The following CADM2 variants were observed in gnomAD, a reference collection of about 807,000 sequenced individuals.
CADM2 encodes immunoglobulin superfamily member 4D.
CADM2 carries 12 observed loss-of-function variants against 49.8 expected under a neutral mutation model. That is an observed-to-expected ratio of 0.24 (90% confidence interval 0.15 to 0.39). The LOEUF (loss-of-function observed/expected upper bound fraction) is 0.39. CADM2 is among the 10% of genes least tolerant of loss of function. CADM2 has a pLI of 1.00. For missense variants in CADM2, 378 were observed against 492.3 expected (o/e 0.77, Z 2.20); for synonymous variants, 214 against 175.4 (o/e 1.22, Z -1.74).
chr3:85,298,594 C>G (rs953094122), intron 1 of CADM2, among the ~76,000 whole-genome samples: 8 of 152,044 alleles, frequency 5.3e-5, no homozygotes, highest in African/African-American at 1.9e-4. Flanking sequence ...CAAGAGAGAG[C>G]TTCTTAAAAG....
intron 1 of CADM2, among the ~76,000 whole-genome samples, chr3:85,058,103 T>C (rs1043003139): frequency 6.6e-6 from 1 of 152,218 alleles, no homozygotes; most frequent in African/African-American, 2.4e-5. Context: ...CTGCTATGTA[T>C]GTGTGCACTA....
chr3:85,413,157 AAAAAAATAATAAT>A (rs2035746409), intron 1 of CADM2, among the ~76,000 whole-genome samples: 1 of 143,982 alleles, frequency 6.9e-6, no homozygotes, highest in Non-Finnish European at 1.5e-5. Flanking sequence ...AAAAAAAAAA[AAAAAAATAATAAT>A]AATAATAATA....
intron 8 of CADM2, among the ~76,000 whole-genome samples, chr3:85,963,200 A>G (rs1308631865): frequency 6.6e-6 from 1 of 151,994 alleles, no homozygotes; most frequent in African/African-American, 2.4e-5. Context: ...AAGGCTCACA[A>G]TGAATAGGCT....
intron 8 of CADM2, among the ~76,000 whole-genome samples, chr3:86,036,518 ACTCT>A (rs1003417767): frequency 5.9e-5 from 9 of 151,452 alleles, no homozygotes; most frequent in Non-Finnish European, 1.2e-4. Context: ...CTTTTCCTAG[ACTCT>A]CTCTCTCTCC....
chr3:85,105,722 AAG>A (rs2038195727), intron 1 of CADM2, among the ~76,000 whole-genome samples: 2 of 152,216 alleles, frequency 1.3e-5, no homozygotes, highest in Non-Finnish European at 2.9e-5. Context: ...AGACTGGATT[AAG>A]AAAATATGGC....
At chr3:85,892,578 G>T (rs13079014) in intron 5 of CADM2, among the ~76,000 whole-genome samples, 48,125 of 151,978 alleles carry the variant, frequency 0.32, 8,773 homozygotes, top group East Asian at 0.42. Flanking sequence ...ACGCTCTCTT[G>T]CCTGCCACCA....
At chr3:85,834,226 T>C (rs1453157275) in intron 3 of CADM2, among the ~76,000 whole-genome samples, 1 of 151,648 alleles carries the variant, frequency 6.6e-6, no homozygotes, top group African/African-American at 2.4e-5. Context: ...ATTATTATAC[T>C]CTTATGGTAA....
chr3:86,062,516 A>C (rs1167632052), intron 8 of CADM2, among the ~76,000 whole-genome samples: 1 of 151,796 alleles, frequency 6.6e-6, no homozygotes, highest in Non-Finnish European at 1.5e-5. Flanking sequence ...AGTGGCTCAC[A>C]CCTGTAATCC....
chr3:85,912,405 C>A lies in CADM2; in HGVS notation c.562C>A (p.Arg188Ser), dbSNP rs759648918. 6.2e-7 allele frequency: 1 copy of A among 1,610,966 alleles called. No homozygotes were observed. The highest frequency in any genetic ancestry group is 1.3e-5 in the African/African-American group (1 of 74,772). The change falls in exon 6 of 10, where the codon CGC (arginine) becomes AGC (serine). Residue 188 changes from arginine (R) to serine (S), a missense_variant. Transcript: ENST00000383699. ...ATATTTAAAAGAAGAGGATGCAAAT[C>A]GCAAGACATTCACTGTCAGCAGCAC... ...VKYLKEEDAN[R>S]KTFTVSSTLD...
At chr3:85,314,692 T>G (rs1401809358) in intron 1 of CADM2, among the ~76,000 whole-genome samples, 2 of 152,188 alleles carry the variant, frequency 1.3e-5, no homozygotes, top group African/African-American at 4.8e-5. Context: ...TTGTTTTCAT[T>G]GTTTCTTACT....
At chr3:85,532,332 G>A (rs923021926) in intron 1 of CADM2, among the ~76,000 whole-genome samples, 3 of 152,256 alleles carry the variant, frequency 2.0e-5, no homozygotes, top group African/African-American at 4.8e-5. Flanking sequence ...ATTGAGAAAA[G>A]CACTATCTCC....
At chr3:85,339,629 T>C (rs1009203682) in intron 1 of CADM2, among the ~76,000 whole-genome samples, 1 of 151,448 alleles carries the variant, frequency 6.6e-6, no homozygotes, top group African/African-American at 2.4e-5. Context: ...TTGGTTAATT[T>C]TGTGGGAATG....
intron 8 of CADM2, chr3:86,015,075 A>G: frequency 1.6e-6 from 1 of 640,024 alleles, no homozygotes; most frequent in South Asian, 2.1e-5. Context: ...CTATACAAGT[A>G]AGTCAGAGCT....
At chr3:85,710,441 T>C (rs942717705) in intron 1 of CADM2, among the ~76,000 whole-genome samples, 11 of 152,182 alleles carry the variant, frequency 7.2e-5, no homozygotes, top group Admixed American at 3.9e-4. Flanking sequence ...ATATCTATAA[T>C]TTATAGTGCA....
At chr3:85,598,283 C>G (rs1559933998) in intron 1 of CADM2, among the ~76,000 whole-genome samples, 2 of 151,972 alleles carry the variant, frequency 1.3e-5, no homozygotes, top group African/African-American at 4.8e-5. Context: ...CTCTCATACA[C>G]CTTCCCATCA....
intron 1 of CADM2, among the ~76,000 whole-genome samples, chr3:85,292,417 C>A (rs1447779101): frequency 2.0e-5 from 3 of 151,220 alleles, no homozygotes; most frequent in Non-Finnish European, 4.4e-5. Flanking sequence ...AGGAATTGAA[C>A]TCAGCTCTGC....
chr3:85,684,465 AGG>A (rs1283133697), intron 1 of CADM2, among the ~76,000 whole-genome samples: 1 of 152,116 alleles, frequency 6.6e-6, no homozygotes, highest in African/African-American at 2.4e-5. Flanking sequence ...AGAGAGAGAG[AGG>A]GAGAGACTTA....
chr3:85,820,071 C>T (rs1233003066), intron 3 of CADM2, among the ~76,000 whole-genome samples: 2 of 151,860 alleles, frequency 1.3e-5, no homozygotes, highest in African/African-American at 2.4e-5. Context: ...GGATAGTGAG[C>T]CAAGCAGAGA....
intron 1 of CADM2, among the ~76,000 whole-genome samples, chr3:85,608,078 A>G (rs1281226776): frequency 1.3e-5 from 2 of 152,204 alleles, no homozygotes; most frequent in Admixed American, 1.3e-4. Flanking sequence ...CTGTGTATAG[A>G]GAAGCTTAAA....
Sources: gnomAD v4.1 joint callset for allele counts (sites outside exome capture counted in the v4.1 genomes callset) on GRCh38, gnomAD v4.1.1 for gene constraint, MANE v1.5 for transcripts, NCBI Gene and HGNC (gene_info 2026-07-23, HGNC 2026-07-21) for gene names.